BCKDHB: variants seen among roughly 807,000 people sequenced by gnomAD.
The protein encoded by BCKDHB is 2-oxoisovalerate dehydrogenase subunit beta, mitochondrial.
A neutral mutation model predicts 48.5 loss-of-function variants in BCKDHB; 41 were observed. The ratio of observed to expected loss-of-function variants is 0.85; its 90% CI spans 0.66 to 1.10. The LOEUF (loss-of-function observed/expected upper bound fraction) is 1.10. BCKDHB is among the 50% of genes least tolerant of loss of function. The pLI is 0.00. For missense variants in BCKDHB, 496 were observed against 494.2 expected (o/e 1.00, Z -0.03); for synonymous variants, 201 against 174.8 (o/e 1.15, Z -1.18).
At chr6:80,206,666 C>T (rs1158106830) in intron 8 of BCKDHB, among the ~76,000 whole-genome samples, 1 of 151,828 alleles carries the variant, frequency 6.6e-6, no homozygotes, top group Non-Finnish European at 1.5e-5. Context: ...ACATATCGGA[C>T]TCAGTAGATG....
chr6:80,367,215 G>T, the BCKDHB span, among the ~76,000 whole-genome samples: 665 of 151,848 alleles, frequency 4.4e-3, 6 homozygotes, highest in South Asian at 0.011. Context: ...ACTTTCTCTC[G>T]ATTTGTCATG....
intron 6 of BCKDHB, among the ~76,000 whole-genome samples, chr6:80,190,376 T>C (rs1312022124): frequency 6.6e-6 from 1 of 152,226 alleles, no homozygotes; most frequent in Non-Finnish European, 1.5e-5. Flanking sequence ...GATATATGTT[T>C]ATATTTAATA....
chr6:80,177,979 C>T (rs1358286333), intron 6 of BCKDHB, among the ~76,000 whole-genome samples: 1 of 152,188 alleles, frequency 6.6e-6, no homozygotes, highest in East Asian at 1.9e-4. Flanking sequence ...AGCTCTCACT[C>T]ACTGGTTAAC....
the BCKDHB span, among the ~76,000 whole-genome samples, chr6:80,364,840 T>C: frequency 0.033 from 4,996 of 152,230 alleles, 221 homozygotes; most frequent in East Asian, 0.12. Flanking sequence ...CCACCCCCAA[T>C]ATTTCAACGG....
chr6:80,200,088 AAGAACT>A (rs1774318761), intron 6 of BCKDHB, among the ~76,000 whole-genome samples: 4 of 150,604 alleles, frequency 2.7e-5, no homozygotes, highest in African/African-American at 4.9e-5. Context: ...AAAAAAAAAA[AAGAACT>A]AAAGAAGGCT....
chr6:80,403,605 C>T, the BCKDHB span, among the ~76,000 whole-genome samples: 1 of 151,848 alleles, frequency 6.6e-6, no homozygotes, highest in African/African-American at 2.4e-5. Context: ...ACTAAAACTT[C>T]CAGTACCATG....
chr6:80,149,164 A>G (rs1255857562), intron 3 of BCKDHB, among the ~76,000 whole-genome samples: 2 of 152,200 alleles, frequency 1.3e-5, no homozygotes, highest in African/African-American at 2.4e-5. Flanking sequence ...GGCGAAGGAC[A>G]TGAACAGACA....
At chr6:80,263,464 AT>A (rs1376698161) in intron 8 of BCKDHB, among the ~76,000 whole-genome samples, 1 of 152,086 alleles carries the variant, frequency 6.6e-6, no homozygotes. Context: ...GATATGTGTA[AT>A]TTTTGCTGAA....
chr6:80,309,833 C>T (rs1380620538), intron 9 of BCKDHB, among the ~76,000 whole-genome samples: 6 of 152,142 alleles, frequency 3.9e-5, no homozygotes, highest in Non-Finnish European at 8.8e-5. Context: ...TGATAGGTAG[C>T]TTTTCCATCT....
intron 6 of BCKDHB, among the ~76,000 whole-genome samples, chr6:80,194,509 C>G (rs901896648): frequency 2.6e-5 from 4 of 152,178 alleles, no homozygotes; most frequent in African/African-American, 9.6e-5. Flanking sequence ...TCCTTAGTTT[C>G]CTTTATTCTG....
intron 9 of BCKDHB, among the ~76,000 whole-genome samples, chr6:80,277,955 TG>T (rs1316051354): frequency 1.3e-5 from 2 of 152,178 alleles, no homozygotes; most frequent in Non-Finnish European, 2.9e-5. Context: ...GAATAGTTTA[TG>T]GAGAAGGATT....
intron 3 of BCKDHB, among the ~76,000 whole-genome samples, chr6:80,144,953 GA>G (rs1165398808): frequency 6.6e-6 from 1 of 152,110 alleles, no homozygotes; most frequent in Non-Finnish European, 1.5e-5. Context: ...ATTTTCCCTA[GA>G]ATATCTCCAT....
At chr6:80,297,830 G>A (rs1289773273) in intron 9 of BCKDHB, among the ~76,000 whole-genome samples, 1 of 152,080 alleles carries the variant, frequency 6.6e-6, no homozygotes, top group Non-Finnish European at 1.5e-5. Context: ...ACATACCAAA[G>A]CTCTCTCATA....
chr6:80,434,375 G>A, the BCKDHB span, among the ~76,000 whole-genome samples: 2 of 151,114 alleles, frequency 1.3e-5, no homozygotes, highest in Non-Finnish European at 3.0e-5. Context: ...ACAAAGTAGA[G>A]TATTATTTTA....
At chr6:80,159,850 C>T (rs1318748532) in intron 3 of BCKDHB, among the ~76,000 whole-genome samples, 3 of 152,176 alleles carry the variant, frequency 2.0e-5, no homozygotes, top group Non-Finnish European at 4.4e-5. Flanking sequence ...TGAGCTGTTT[C>T]CCTGATGGAG....
chr6:80,266,578 A>G (rs867857241), intron 8 of BCKDHB, among the ~76,000 whole-genome samples: 21 of 152,090 alleles, frequency 1.4e-4, no homozygotes, highest in Admixed American at 4.6e-4. Context: ...TGTTACCATC[A>G]TGCATGTTTA....
At chr6:80,266,657 A>G (rs927005384) in intron 8 of BCKDHB, among the ~76,000 whole-genome samples, 1 of 152,040 alleles carries the variant, frequency 6.6e-6, no homozygotes, top group Non-Finnish European at 1.5e-5. Context: ...AATAGGAAAA[A>G]ATAGGTGGAG....
intron 3 of BCKDHB, among the ~76,000 whole-genome samples, chr6:80,166,656 C>CAAAAA (rs35271028): frequency 7.1e-6 from 1 of 140,812 alleles, no homozygotes; most frequent in Non-Finnish European, 1.5e-5. Context: ...AACTCCATCT[C>CAAAAA]AAAAAAAAAA....
the BCKDHB span, chr6:80,463,324 T>A: frequency 3.3e-5 from 5 of 152,212 alleles, no homozygotes; most frequent in Non-Finnish European, 7.3e-5. Flanking sequence ...ATTTAAAGGA[T>A]ACTCCATGTG....
Sources: allele counts gnomAD v4.1 joint callset (sites outside exome capture counted in the v4.1 genomes callset), GRCh38; gene constraint gnomAD v4.1.1; transcripts MANE v1.5; gene names NCBI Gene and HGNC (gene_info 2026-07-23, HGNC 2026-07-21).